The following DONSON variants were observed in gnomAD, a reference collection of about 807,000 sequenced individuals.
The protein encoded by DONSON is DNA replication fork stabilization factor DONSON.
A neutral mutation model predicts 62.1 loss-of-function variants in DONSON; 43 were observed. The ratio of observed to expected loss-of-function variants is 0.69; its 90% CI spans 0.54 to 0.89. DONSON has a LOEUF of 0.89. DONSON is among the 40% of genes least tolerant of loss of function. The pLI is 0.00. For missense variants in DONSON, 696 were observed against 697.5 expected, an observed-to-expected ratio of 1.00 and a Z score of 0.03; for synonymous variants, 266 against 264.6, an observed-to-expected ratio of 1.01 and a Z score of -0.05.
In DONSON at chr21:33,581,948, TAC is replaced by T; in HGVS notation, c.1151+1_1151+2del. Reference sequence around the variant, plus strand: ...TTCTAGTTAACAACAACTGAAAGGATACAGCTTGATAGAAAGTATGTCTGGCT... The same window carrying T: ...TTCTAGTTAACAACAACTGAAAGGATAGCTTGATAGAAAGTATGTCTGGCT... On this transcript the variant is annotated splice_donor_variant, in intron 7 of 9. Coordinates refer to ENST00000303071, the MANE Select transcript of DONSON (RefSeq NM_017613.4). LOFTEE classifies it high-confidence loss of function. 2 of 1,613,498 alleles carry T rather than the reference TAC, an allele frequency of 1.2e-6. No homozygotes were observed. Among genetic ancestry groups the T allele is most frequent in the Non-Finnish European group, 1.7e-6 (2 of 1,179,410 alleles).
At chr21:33,583,200 C>CAAAGAAAAAAA in intron 5 of DONSON, among the ~76,000 whole-genome samples, 1 of 58,924 alleles carries the variant, frequency 1.7e-5, no homozygotes, top group Non-Finnish European at 3.0e-5. Context: ...GTCTCCATCT[C>CAAAGAAAAAAA]AAAAAAAAAA....
chr21:33,579,321 A>G, intron 9 of DONSON, 29 bp downstream of exon 9: 1 of 1,476,742 alleles, frequency 6.8e-7, no homozygotes, highest in Non-Finnish European at 9.1e-7. Context: ...ACTACAACTA[A>G]AACAGTCTGC....
intron 2 of DONSON, among the ~76,000 whole-genome samples, chr21:33,586,801 A>G (rs1014177975): frequency 1.3e-5 from 2 of 151,712 alleles, no homozygotes; most frequent in Admixed American, 6.6e-5. Flanking sequence ...CGCCTGGCTA[A>G]TTTTTTTGTA....
intron 2 of DONSON, among the ~76,000 whole-genome samples, chr21:33,586,787 AC>A (rs2086581965): frequency 6.6e-6 from 1 of 151,900 alleles, no homozygotes; most frequent in African/African-American, 2.4e-5. Flanking sequence ...GGCGTGCCCC[AC>A]CACGCCTGGC....
chr21:33,586,893 G>C (rs371909794), intron 2 of DONSON, among the ~76,000 whole-genome samples: 3 of 152,134 alleles, frequency 2.0e-5, no homozygotes, highest in African/African-American at 7.2e-5. Context: ...GCCTGCTTCA[G>C]CCTCTCAAAG....
At chr21:33,583,810 CTT>C (rs772307159) in intron 4 of DONSON, 144 bp from the exon 5 acceptor site, 83 of 730,234 alleles carry the variant, frequency 1.1e-4, no homozygotes, top group Non-Finnish European at 1.2e-4. Flanking sequence ...TTACGTATGA[CTT>C]AGCTTTAAAG....
chr21:33,588,398 G>A lies in DONSON; in HGVS notation c.244C>T (p.Arg82Cys), dbSNP rs1190060915. The change falls in exon 1 of 10, where the codon CGC (arginine) becomes TGC (cysteine). Residue 82 changes from arginine to cysteine, a missense_variant. Arg to Cys is a radical substitution (Grantham distance 180, BLOSUM62 -3). Coordinates refer to ENST00000303071, the MANE Select transcript of DONSON (RefSeq NM_017613.4). ...PAAARRNPFA[R>C]LDNRPRVAAE... ...GCGACCCGCGGTCGGTTGTCCAGGC[G>A]GGCGAAGGGGTTCCTCCGAGCAGCG... The A allele has an allele frequency of 7.7e-7, 1 of 1,299,624 alleles. No individual in the cohort carries two copies. Among genetic ancestry groups the A allele is most frequent in the Non-Finnish European group, 9.7e-7 (1 of 1,028,150 alleles). The allele number at this position is 1,299,624 out of a possible 1,614,324, so 80.5% of individuals were successfully genotyped here.
In DONSON at chr21:33,583,029, G is replaced by A. The variant is rs190622057; in HGVS notation, c.964+459C>T. On this transcript the variant is annotated intron_variant, in intron 5 of 9. Coordinates refer to ENST00000303071, the MANE Select transcript of DONSON (RefSeq NM_017613.4). ...GTCCTGGCTAACACGGTGAAACCCC[G>A]TCTCTACTAAAAATACAAAAAATTA... Among the ~76,000 whole-genome samples the A allele has an allele frequency of 1.3e-3, 197 of 151,572 alleles. 4 individuals are homozygous for A. The highest frequency in any genetic ancestry group is 0.011 in the Admixed American group (162 of 15,216).
In DONSON at chr21:33,585,738, C is replaced by A. The variant is rs78490503; in HGVS notation, c.606+240G>T. ...ATAATTTAACAATTCTTGCCTGCAA[C>A]ACTGATTAATTTGCAAGACAAGTCT... On this transcript the variant is annotated intron_variant, in intron 3 of 9. Coordinates refer to ENST00000303071, the MANE Select transcript of DONSON (RefSeq NM_017613.4). Among the ~76,000 whole-genome samples, 389 of 151,584 alleles carry A rather than the reference C, an allele frequency of 2.6e-3. 2 individuals are homozygous for A. The highest frequency in any genetic ancestry group is 8.8e-3 in the African/African-American group (365 of 41,284).
At position 33,581,418 on chromosome 21, in the gene DONSON, G is replaced by T; in HGVS notation, c.1234C>A (p.Leu412Ile). 6.2e-7 allele frequency: 1 copy of T among 1,614,088 alleles called. No individual in the cohort carries two copies. Among genetic ancestry groups the T allele is most frequent in the Non-Finnish European group, 8.5e-7 (1 of 1,179,988 alleles). The change falls in exon 8 of 10, where the codon CTC (leucine) becomes ATC (isoleucine). Residue 412 changes from leucine to isoleucine, a missense_variant. Coordinates refer to ENST00000303071, the MANE Select transcript of DONSON (RefSeq NM_017613.4). ...LVKGINTFTL[L>I]NFLINSKSLV... is the part of the protein sequence containing the mutation. ...CTCTTAGAGTTAATCAAAAAATTGAGCAATGTAAAGGTGTTGATTCCTTTT... is the reference window on the plus strand; with the variant it reads ...CTCTTAGAGTTAATCAAAAAATTGATCAATGTAAAGGTGTTGATTCCTTTT...
intron 4 of DONSON, among the ~76,000 whole-genome samples, chr21:33,584,169 C>T (rs1400573326): frequency 1.3e-5 from 2 of 150,794 alleles, no homozygotes; most frequent in Admixed American, 6.6e-5. Flanking sequence ...CTCAGCCTCC[C>T]GAGTAGCTGT....
At chr21:33,587,297 G>A (rs1347059716) in intron 2 of DONSON, 5 of 933,258 alleles carry the variant, frequency 5.4e-6, no homozygotes. Flanking sequence ...GCCTATTTTA[G>A]CGCTGGCTAT....
intron 1 of DONSON, 31 bp from the exon 2 acceptor site, chr21:33,587,633 T>C (rs1171564814): frequency 2.0e-6 from 3 of 1,484,532 alleles, no homozygotes; most frequent in Non-Finnish European, 2.8e-6. Flanking sequence ...CTTTAAAATT[T>C]AAAGGATGCT....
In DONSON at chr21:33,588,397, C is replaced by G. The variant is rs1481231434; in HGVS notation, c.245G>C (p.Arg82Pro). Residue 82 changes from arginine to proline, a missense_variant, in exon 1 of 10, where the codon CGC becomes CCC. By Grantham distance (103) the Arg-to-Pro change is moderately radical. Coordinates refer to ENST00000303071, the MANE Select transcript of DONSON (RefSeq NM_017613.4). ...GGCGACCCGCGGTCGGTTGTCCAGG[C>G]GGGCGAAGGGGTTCCTCCGAGCAGC... ...PAAARRNPFARLDNRPRVAAE... is the reference protein window; with the variant it reads ...PAAARRNPFAPLDNRPRVAAE... 7.7e-7 allele frequency: 1 copy of G among 1,300,478 alleles called. No individual in the cohort carries two copies. 80.6% of individuals were successfully genotyped at this position (1,300,478 alleles called of 1,614,324 possible). A position where few individuals can be genotyped will look rare whatever the true frequency, so the allele number is the denominator to read the frequency against.
intron 5 of DONSON, among the ~76,000 whole-genome samples, chr21:33,582,681 G>A (rs868146688): frequency 4.1e-4 from 63 of 152,166 alleles, no homozygotes; most frequent in South Asian, 1.4e-3. Context: ...CTATGTGGAA[G>A]GAACAGTTTA....
chr21:33,584,121 T>C (rs1472024849), intron 4 of DONSON, among the ~76,000 whole-genome samples: 1 of 148,904 alleles, frequency 6.7e-6, no homozygotes, highest in East Asian at 2.0e-4. Context: ...CTCGGCTCAC[T>C]GCAAGCTCTG....
chr21:33,580,239 G>GATGAATGAATGAATGA (rs3989180), intron 8 of DONSON, among the ~76,000 whole-genome samples: 18 of 146,278 alleles, frequency 1.2e-4, no homozygotes, highest in Admixed American at 6.9e-5. Context: ...TAAATAGATA[G>GATGAATGAATGAATGA]ATGAATGAAT....
chr21:33,581,262 A>G, intron 8 of DONSON, 40 bp downstream of exon 8: 1 of 1,577,646 alleles, frequency 6.3e-7, no homozygotes, highest in South Asian at 1.1e-5. Flanking sequence ...TATCAAAGTA[A>G]AGTACTTCTT....
At chr21:33,581,521 A>C (rs780766265) in intron 7 of DONSON, 21 bp from the exon 8 acceptor site, 2 of 1,602,876 alleles carry the variant, frequency 1.2e-6, no homozygotes, top group Admixed American at 3.4e-5. Context: ...CAATCAAGGA[A>C]ATTGCAAAAG....
Sources: allele counts gnomAD v4.1 joint callset (sites outside exome capture counted in the v4.1 genomes callset), GRCh38; gene constraint gnomAD v4.1.1; transcripts MANE v1.5; gene names NCBI Gene and HGNC (gene_info 2026-07-23, HGNC 2026-07-21).